The following ABTB2 variants were observed in gnomAD, a reference collection of about 807,000 sequenced individuals.
ABTB2 encodes ankyrin repeat and BTB domain containing 2.
In ABTB2, 56 loss-of-function variants were observed where a neutral mutation model predicts 104.1. The observed-to-expected ratio is 0.54, with a 90% confidence interval of 0.43 to 0.67. ABTB2 has a LOEUF of 0.67. ABTB2 is among the 30% of genes least tolerant of loss of function. The pLI is 0.00. For missense variants in ABTB2, 1,279 were observed against 1,407.7 expected, an observed-to-expected ratio of 0.91 and a Z score of 1.46; for synonymous variants, 606 against 608.2, an observed-to-expected ratio of 1.00 and a Z score of 0.05.
intron 1 of ABTB2, among the ~76,000 whole-genome samples, chr11:34,351,801 G>A (rs759974521): frequency 6.6e-6 from 1 of 152,108 alleles, no homozygotes; most frequent in Admixed American, 6.5e-5. Flanking sequence ...CCTGGGTGCT[G>A]AGGAAACATC....
chr11:34,287,820 T>G (rs1854524168), intron 1 of ABTB2, among the ~76,000 whole-genome samples: 1 of 152,136 alleles, frequency 6.6e-6, no homozygotes, highest in African/African-American at 2.4e-5. Flanking sequence ...CCGTGGTATT[T>G]TTTTTCTTTT....
intron 1 of ABTB2, among the ~76,000 whole-genome samples, chr11:34,217,067 A>G (rs1317827980): frequency 3.3e-4 from 51 of 152,354 alleles, no homozygotes; most frequent in Non-Finnish European, 5.9e-5. Context: ...GTGGGTACAA[A>G]TATTACTGTA....
At chr11:34,256,284 A>G (rs1308406238) in intron 1 of ABTB2, among the ~76,000 whole-genome samples, 1 of 152,164 alleles carries the variant, frequency 6.6e-6, no homozygotes, top group African/African-American at 2.4e-5. Flanking sequence ...ACTAGTGACC[A>G]GTGCAATGTT....
intron 1 of ABTB2, among the ~76,000 whole-genome samples, chr11:34,318,753 A>T (rs1240799042): frequency 6.6e-6 from 1 of 152,206 alleles, no homozygotes; most frequent in Non-Finnish European, 1.5e-5. Context: ...GTCAGAACTC[A>T]ATGTTCTGAG....
At chr11:34,338,016 AC>A (rs1855212939) in intron 1 of ABTB2, among the ~76,000 whole-genome samples, 3 of 150,408 alleles carry the variant, frequency 2.0e-5, no homozygotes, top group African/African-American at 7.3e-5. Flanking sequence ...AATAAAATCC[AC>A]CCCCAGTGAT....
chr11:34,339,545 G>A (rs1047155523), intron 1 of ABTB2, among the ~76,000 whole-genome samples: 2 of 152,212 alleles, frequency 1.3e-5, no homozygotes, highest in African/African-American at 4.8e-5. Flanking sequence ...GGCCCTCAGT[G>A]AGGACCCAGT....
chr11:34,335,123 A>G, intron 1 of ABTB2: 1 of 1,201,022 alleles, frequency 8.3e-7, no homozygotes, highest in Non-Finnish European at 1.2e-6. Flanking sequence ...GCTAATTTCC[A>G]CTTAATTTCT....
At chr11:34,267,592 C>T (rs1441041940) in intron 1 of ABTB2, among the ~76,000 whole-genome samples, 1 of 152,210 alleles carries the variant, frequency 6.6e-6, no homozygotes, top group Non-Finnish European at 1.5e-5. Context: ...AGTTTCTTCT[C>T]CAGTGGGTGA....
chr11:34,162,164 CCA>C (rs1293849744), intron 10 of ABTB2, among the ~76,000 whole-genome samples: 1 of 152,222 alleles, frequency 6.6e-6, no homozygotes, highest in African/African-American at 2.4e-5. Context: ...CACCAAAAGT[CCA>C]CAGACTCGCA....
chr11:34,337,223 G>C lies in ABTB2; in HGVS notation c.883+19478C>G, dbSNP rs149334127. ...TGGCTTATTTGTTGAGGAAGGCCCCGATTCTGCGCCTGTCTGGGGAGAAGA... is the reference window on the plus strand; with the variant it reads ...TGGCTTATTTGTTGAGGAAGGCCCCCATTCTGCGCCTGTCTGGGGAGAAGA... On this transcript the variant is annotated intron_variant, in intron 1 of 16. Transcript: ENST00000435224. Among the ~76,000 whole-genome samples, 402 of 152,358 alleles carry C rather than the reference G, an allele frequency of 2.6e-3. 5 individuals are homozygous for C. Among genetic ancestry groups the C allele is most frequent in the African/African-American group, 9.1e-3 (377 of 41,580 alleles).
At chr11:34,165,404 C>T (rs911724743) in intron 7 of ABTB2, 48 bp from the exon 8 acceptor site, 3 of 1,524,154 alleles carry the variant, frequency 2.0e-6, no homozygotes, top group Non-Finnish European at 2.7e-6. Flanking sequence ...TGGCAGGGAG[C>T]ACCTGGGAAG....
At chr11:34,203,169 C>T (rs955000798) in intron 2 of ABTB2, among the ~76,000 whole-genome samples, 3 of 152,186 alleles carry the variant, frequency 2.0e-5, no homozygotes, top group Admixed American at 1.3e-4. Flanking sequence ...GCCCTAGACA[C>T]GTCCAGAGTC....
At position 34,165,348 on chromosome 11, in the gene ABTB2, C is replaced by A; in HGVS notation, c.1764G>T (p.Leu588=). ...HGHISVVQLL[L]DAGAHVEGSA... is the part of the protein sequence containing the mutation. ...AGCCCTCGACATGGGCACCAGCATCCAGCAGCAACTGCCAGGGGCACAGAG... is the reference window on the plus strand; with the variant it reads ...AGCCCTCGACATGGGCACCAGCATCAAGCAGCAACTGCCAGGGGCACAGAG... Residue 588 remains leucine (L), a synonymous_variant, in exon 8 of 17, where the codon CTG becomes CTT. Transcript: ENST00000435224. The A allele has an allele frequency of 6.3e-7, 1 of 1,586,604 alleles. No individual in the cohort carries two copies. The highest frequency in any genetic ancestry group is 1.2e-5 in the South Asian group (1 of 86,948).
chr11:34,288,390 CAAAG>C (rs1854529178), intron 1 of ABTB2, among the ~76,000 whole-genome samples: 1 of 152,250 alleles, frequency 6.6e-6, no homozygotes, highest in Middle Eastern at 3.4e-3. Flanking sequence ...ATTGCATAAA[CAAAG>C]AAAACAAACA....
chr11:34,160,631 G>A (rs1357738828), intron 11 of ABTB2, among the ~76,000 whole-genome samples: 1 of 144,068 alleles, frequency 6.9e-6, no homozygotes, highest in African/African-American at 2.6e-5. Flanking sequence ...TGGGTGGGGG[G>A]GTTCCTGGGT....
Position 34,170,928 on chromosome 11 carries a change from C to T in ABTB2, c.1541G>A (p.Gly514Glu). ...NQAIEALGPD[G>E]VNTMDDQGMT... ...TACCTGGTCATCCATGGTGTTAACCCCATCCGGACCCAAGGCCTCGATGGC... is the reference window on the plus strand; with the variant it reads ...TACCTGGTCATCCATGGTGTTAACCTCATCCGGACCCAAGGCCTCGATGGC... Residue 514 changes from glycine to glutamate, a missense_variant, in exon 5 of 17, where the codon GGG becomes GAG. Physicochemically the swap from Gly to Glu is moderately conservative, Grantham distance 98. Coordinates refer to ENST00000435224, the MANE Select transcript of ABTB2 (RefSeq NM_145804.3). The T allele has an allele frequency of 6.2e-7, 1 of 1,614,166 alleles. No homozygotes were observed.
Position 34,154,491 on chromosome 11 carries a change from C to T in ABTB2, c.2767-113G>A. ...TGCCCTGCTGCCTCCACCCTCAGGCCCCACTACCTTCTGATACTCCTGGGC... is the reference window on the plus strand; with the variant it reads ...TGCCCTGCTGCCTCCACCCTCAGGCTCCACTACCTTCTGATACTCCTGGGC... On this transcript the variant is annotated intron_variant, in intron 15 of 16. Coordinates refer to ENST00000435224, the MANE Select transcript of ABTB2 (RefSeq NM_145804.3). The surrounding 1 kb of genome is among the most constrained non-coding windows in gnomAD (Gnocchi z 4.9). 2 of 878,222 alleles carry T rather than the reference C, an allele frequency of 2.3e-6. No individual in the cohort carries two copies. Among genetic ancestry groups the T allele is most frequent in the Non-Finnish European group, 3.6e-6 (2 of 554,714 alleles). The allele number at this position is 878,222 out of a possible 1,614,324, so 54.4% of individuals were successfully genotyped here. A position where few individuals can be genotyped will look rare whatever the true frequency, so the allele number is the denominator to read the frequency against.
rs1236704025 is a variant in ABTB2 at position 34,235,804 on chromosome 11, C to T, written c.884-31114G>A. 1.3e-5 allele frequency among the ~76,000 whole-genome samples: 2 copies of T among 152,186 alleles called. 1 individual carries two copies. Among genetic ancestry groups the T allele is most frequent in the African/African-American group, 4.8e-5 (2 of 41,454 alleles). ...CCATGCTAGAGGCATTAATTAGCTG[C>T]AGGAGGTCAGCGCTAGCTAAGTGAA... On this transcript the variant is annotated intron_variant, in intron 1 of 16. Transcript: ENST00000435224.
At chr11:34,279,218 T>C (rs1854421332) in intron 1 of ABTB2, among the ~76,000 whole-genome samples, 1 of 152,224 alleles carries the variant, frequency 6.6e-6, no homozygotes, top group Non-Finnish European at 1.5e-5. Context: ...CACCAGTTCC[T>C]GAAAGCTCAC....
Sources: allele counts gnomAD v4.1 joint callset (sites outside exome capture counted in the v4.1 genomes callset), GRCh38; gene constraint gnomAD v4.1.1; non-coding constraint Gnocchi (gnomAD v3.1); transcripts MANE v1.5; gene names NCBI Gene and HGNC (gene_info 2026-07-23, HGNC 2026-07-21).